Variants in PON1 observed in about 807,000 individuals in gnomAD.
PON1 encodes the protein paraoxonase 1.
In PON1, 37 loss-of-function variants were observed where a neutral mutation model predicts 39.2. The observed-to-expected ratio is 0.94, with a 90% CI of 0.73 to 1.24. PON1 has a LOEUF of 1.24. Ranked by LOEUF, PON1 falls within the 50% of genes most tolerant of loss-of-function variation. The probability of loss-of-function intolerance (pLI) is 0.00; values close to 1 mark genes in which losing one functional copy is unlikely to be tolerated. For missense variants in PON1, 397 were observed against 413.5 expected (o/e 0.96, Z 0.35); for synonymous variants, 148 against 152.2 (o/e 0.97, Z 0.21).
rs530026753 is a variant in PON1 at position 95,298,517 on chromosome 7, G to A, written c.*427C>T. ...TCTGGCCTGTGAACTGGAGTCCCTG[G>A]GTGAGTACTGGAGTTCTAAAGACAC... On this transcript the variant is annotated 3_prime_UTR_variant, in exon 9 of 9. Coordinates refer to ENST00000222381, the MANE Select transcript of PON1 (RefSeq NM_000446.7). 2 of 288,986 alleles carry A rather than the reference G, an allele frequency of 6.9e-6. No individual in the cohort carries two copies. Among genetic ancestry groups the A allele is most frequent in the Admixed American group, 4.5e-5 (1 of 22,180 alleles). 17.9% of individuals were successfully genotyped at this position (288,986 alleles called of 1,614,324 possible).
At chr7:95,318,558 G>T in intron 1 of PON1, 165 bp from the exon 2 acceptor site, 1 of 618,170 alleles carries the variant, frequency 1.6e-6, no homozygotes, top group Non-Finnish European at 2.9e-6. Context: ...CAAGACAAGT[G>T]GGGAACTCTG....
intron 8 of PON1, among the ~76,000 whole-genome samples, chr7:95,301,542 A>G (rs1807421390): frequency 6.6e-6 from 1 of 152,096 alleles, no homozygotes; most frequent in Non-Finnish European, 1.5e-5. Context: ...ACCACCGTCT[A>G]CCTGTTCTGG....
intron 5 of PON1, among the ~76,000 whole-genome samples, chr7:95,310,773 G>A (rs1451547720): frequency 2.6e-5 from 4 of 152,190 alleles, no homozygotes; most frequent in African/African-American, 4.8e-5. Flanking sequence ...CTAGAAAATC[G>A]TAATCAGTTG....
At chr7:95,320,145 A>G (rs1486126532) in intron 1 of PON1, among the ~76,000 whole-genome samples, 1 of 152,210 alleles carries the variant, frequency 6.6e-6, no homozygotes, top group African/African-American at 2.4e-5. Flanking sequence ...AAATCACTGA[A>G]TGGGCCAAGA....
intron 6 of PON1, among the ~76,000 whole-genome samples, chr7:95,307,017 T>A (rs925739827): frequency 6.6e-6 from 1 of 151,900 alleles, no homozygotes; most frequent in African/African-American, 2.4e-5. Context: ...CCTGTTGCTC[T>A]CACTTGCTTG....
intron 5 of PON1, 29 bp downstream of exon 5, chr7:95,311,422 G>A (rs775715703): frequency 9.9e-6 from 16 of 1,612,188 alleles, no homozygotes; most frequent in Non-Finnish European, 1.2e-5. Context: ...ACAGCTAAAG[G>A]AAAATAGAAA....
intron 1 of PON1, among the ~76,000 whole-genome samples, chr7:95,324,032 T>C (rs1225176418): frequency 6.6e-6 from 1 of 152,196 alleles, no homozygotes; most frequent in Admixed American, 6.5e-5. Flanking sequence ...CAGGGGCTCC[T>C]TTCTCTAATA....
chr7:95,318,344 A>G lies in PON1; in HGVS notation c.124T>C (p.Cys42Arg), dbSNP rs138512790. 79 of 1,609,530 alleles carry G rather than the reference A, an allele frequency of 4.9e-5. No individual in the cohort carries two copies. The highest frequency in any genetic ancestry group is 1.8e-5 in the Non-Finnish European group (21 of 1,176,010). The change falls in exon 2 of 9, where the codon TGT (cysteine) becomes CGT (arginine). Residue 42 changes from cysteine (C) to arginine (R), a missense_variant. By Grantham distance (180) the Cys-to-Arg change is radical. Transcript: ENST00000222381. Reference sequence around the variant, plus strand: ...ATACCGATTCCTTTAACTAAATTACAGTTAGGAAGTTCTACGGGTTGTACC... The same window carrying G: ...ATACCGATTCCTTTAACTAAATTACGGTTAGGAAGTTCTACGGGTTGTACC... ...REVQPVELPN[C>R]NLVKGIETGS...
In PON1 at chr7:95,315,364, A is replaced by G. The variant is rs773545753; in HGVS notation, c.328T>C (p.Ser110Pro). ...CTAATCCCATGAGGGTTAAATGAAG[A>G]TACATCAAATTTACTTCCAGTGATC... ...LGITGSKFDVSSFNPHGISTF... is the reference protein window; with the variant it reads ...LGITGSKFDVPSFNPHGISTF... Residue 110 changes from serine (S) to proline (P), a missense_variant, in exon 4 of 9, where the codon TCT becomes CCT. By Grantham distance (74) the Ser-to-Pro change is moderately conservative. Transcript: ENST00000222381. The G allele has an allele frequency of 5.0e-6, 8 of 1,613,476 alleles. No homozygotes were observed. In the South Asian group the frequency reaches 5.5e-5, roughly 11 times the overall value.
At chr7:95,302,781 C>T (rs1172457082) in intron 7 of PON1, among the ~76,000 whole-genome samples, 3 of 152,180 alleles carry the variant, frequency 2.0e-5, no homozygotes, top group Non-Finnish European at 4.4e-5. Flanking sequence ...TCTTTAATGG[C>T]TAATCATAGG....
chr7:95,310,709 G>C (rs768112076), intron 5 of PON1, among the ~76,000 whole-genome samples: 7 of 152,200 alleles, frequency 4.6e-5, no homozygotes, highest in Non-Finnish European at 8.8e-5. Context: ...TAGATTTACA[G>C]ATATGGAGGT....
Position 95,315,279 on chromosome 7 carries a change from T to C in PON1, c.370+43A>G, listed in dbSNP as rs906641548. On this transcript the variant is annotated intron_variant, in intron 4 of 8. Coordinates refer to ENST00000222381, the MANE Select transcript of PON1 (RefSeq NM_000446.7). ...TATTGGCATGTTTTTCTGTTTTTGT[T>C]TTAAGTTTGGTTTTGGTTTTAATAA... The C allele has an allele frequency of 1.9e-6, 3 of 1,539,882 alleles. No individual in the cohort carries two copies. In the African/African-American group the frequency reaches 4.1e-5, roughly 21 times the overall value.
chr7:95,307,148 C>T (rs1807561264), intron 6 of PON1, among the ~76,000 whole-genome samples: 1 of 151,666 alleles, frequency 6.6e-6, no homozygotes, highest in South Asian at 2.1e-4. Flanking sequence ...GCAACCTCCA[C>T]CTCCCAGGTT....
At chr7:95,319,637 G>T (rs903597910) in intron 1 of PON1, among the ~76,000 whole-genome samples, 3 of 152,154 alleles carry the variant, frequency 2.0e-5, no homozygotes, top group Non-Finnish European at 1.5e-5. Flanking sequence ...TAGAAAGCAG[G>T]CTTCAAAGGA....
intron 5 of PON1, among the ~76,000 whole-genome samples, 198 bp downstream of exon 5, chr7:95,311,253 C>A (rs985189650): frequency 3.3e-5 from 5 of 151,952 alleles, no homozygotes; most frequent in African/African-American, 1.2e-4. Flanking sequence ...GCTCGAGAAA[C>A]AAGAGAGGAA....
At chr7:95,307,446 T>C (rs1304644122) in intron 6 of PON1, among the ~76,000 whole-genome samples, 2 of 152,176 alleles carry the variant, frequency 1.3e-5, no homozygotes, top group South Asian at 2.1e-4. Context: ...GATATAGATA[T>C]TTCATGTATA....
At chr7:95,311,265 A>C (rs2116313796) in intron 5 of PON1, among the ~76,000 whole-genome samples, 186 bp downstream of exon 5, 1 of 152,258 alleles carries the variant, frequency 6.6e-6, no homozygotes, top group African/African-American at 2.4e-5. Flanking sequence ...AGAGAGGAAA[A>C]GAATGGGCCG....
chr7:95,307,863 G>T, intron 6 of PON1, 148 bp downstream of exon 6: 1 of 851,666 alleles, frequency 1.2e-6, no homozygotes, highest in Non-Finnish European at 1.8e-6. Context: ...TTCACCCCCT[G>T]AAAAATTAAG....
At position 95,298,613 on chromosome 7, in the gene PON1, C is replaced by T; in HGVS notation, c.*331G>A. On this transcript the variant is annotated 3_prime_UTR_variant, in exon 9 of 9. Coordinates refer to ENST00000222381, the MANE Select transcript of PON1 (RefSeq NM_000446.7). ...AGGCAGCGATACACACATGTGCTTCCAGGCAACACATGTTTTAGGGTAAGT... is the reference window on the plus strand; with the variant it reads ...AGGCAGCGATACACACATGTGCTTCTAGGCAACACATGTTTTAGGGTAAGT... The T allele has an allele frequency of 2.6e-6, 1 of 390,754 alleles. No individual in the cohort carries two copies. Among genetic ancestry groups the T allele is most frequent in the Admixed American group, 3.6e-5 (1 of 27,578 alleles). 24.2% of individuals were successfully genotyped at this position (390,754 alleles called of 1,614,324 possible). A position where few individuals can be genotyped will look rare whatever the true frequency, so the allele number is the denominator to read the frequency against.
Sources: allele counts gnomAD v4.1 joint callset (sites outside exome capture counted in the v4.1 genomes callset), GRCh38; gene constraint gnomAD v4.1.1; transcripts MANE v1.5; gene names NCBI Gene and HGNC (gene_info 2026-07-23, HGNC 2026-07-21).